GALNT14: variants seen among roughly 807,000 people sequenced by gnomAD.
GALNT14 encodes polypeptide N-acetylgalactosaminyltransferase 14, also known as UDP-GalNAc:polypeptide N-acetylgalactosaminyltransferase 14.
In GALNT14, 60 loss-of-function variants were observed where a neutral mutation model predicts 77.5. That is an observed-to-expected ratio of 0.77 (90% CI 0.63 to 0.96). GALNT14 has a LOEUF of 0.96. GALNT14 is among the 40% of genes least tolerant of loss of function. The pLI is 0.00. For synonymous variants in GALNT14, 280 were observed against 281.7 expected, an observed-to-expected ratio of 0.99 and a Z score of 0.06; for missense variants, 710 against 731.0, an observed-to-expected ratio of 0.97 and a Z score of 0.33.
chr2:31,121,648 G>A (rs79163228), intron 1 of GALNT14, among the ~76,000 whole-genome samples: 3 of 152,002 alleles, frequency 2.0e-5, no homozygotes, highest in South Asian at 2.1e-4. Context: ...GGAAGACCTC[G>A]CTGCCCACTG....
At chr2:31,010,796 C>T (rs183602690) in intron 1 of GALNT14, among the ~76,000 whole-genome samples, 1 of 152,348 alleles carries the variant, frequency 6.6e-6, no homozygotes, top group Non-Finnish European at 1.5e-5. Context: ...TCCAGCCACA[C>T]TGGCCGTTCT....
In GALNT14 at chr2:31,014,065, G is replaced by C. The variant is rs553529550; in HGVS notation, c.130-21058C>G. On this transcript the variant is annotated intron_variant, in intron 1 of 14. Transcript: ENST00000349752. ...TGGCTCCACTGCTTACTGTTTATGT[G>C]ATTTGGAGGAAGCTGCTTAACCTGT... Among the ~76,000 whole-genome samples the C allele has an allele frequency of 2.0e-5, 3 of 152,300 alleles. No homozygotes were observed. In the East Asian group the frequency reaches 5.8e-4, roughly 29 times the overall value.
chr2:30,979,031 A>AT (rs1336145343), intron 2 of GALNT14, among the ~76,000 whole-genome samples: 1 of 152,250 alleles, frequency 6.6e-6, no homozygotes, highest in Non-Finnish European at 1.5e-5. Flanking sequence ...CTGAATCCTC[A>AT]CAGCACAGTC....
Position 31,012,228 on chromosome 2 carries a change from G to A in GALNT14, c.130-19221C>T, listed in dbSNP as rs866498069. The stretch of plus-strand genomic sequence containing the variant: ...CAGAATAAAGGCCAAGTTCTTTGCC[G>A]TGGTCTGCAAGTACTGCCCTGGACT... On this transcript the variant is annotated intron_variant, in intron 1 of 14. Transcript: ENST00000349752. Among the ~76,000 whole-genome samples, 6 of 152,272 alleles carry A rather than the reference G, an allele frequency of 3.9e-5. No homozygotes were observed. In the South Asian group the frequency reaches 8.3e-4, roughly 21 times the overall value.
intron 1 of GALNT14, among the ~76,000 whole-genome samples, chr2:31,048,915 A>G (rs114523208): frequency 0.017 from 2,571 of 152,168 alleles, 73 homozygotes; most frequent in African/African-American, 0.057. Flanking sequence ...TGACCGGCTC[A>G]TTCCCACAGG....
At chr2:31,029,419 G>A (rs530100227) in intron 1 of GALNT14, among the ~76,000 whole-genome samples, 5 of 152,144 alleles carry the variant, frequency 3.3e-5, no homozygotes, top group East Asian at 1.9e-4. Flanking sequence ...ACCAGCATCC[G>A]ACCATCTGGT....
At chr2:31,131,712 C>T (rs1273667608) in intron 1 of GALNT14, among the ~76,000 whole-genome samples, 4 of 152,132 alleles carry the variant, frequency 2.6e-5, no homozygotes, top group Non-Finnish European at 5.9e-5. Context: ...GCATGAAAAC[C>T]AAGCTGTGCA....
chr2:31,048,592 C>G (rs1451668723), intron 1 of GALNT14, among the ~76,000 whole-genome samples: 1 of 106,924 alleles, frequency 9.4e-6, no homozygotes, highest in African/African-American at 3.6e-5. Flanking sequence ...GCCTCCCCAC[C>G]CCCACTCCTG....
chr2:30,945,687 G>A (rs1309803302), intron 7 of GALNT14, 96 bp downstream of exon 7: 1 of 992,652 alleles, frequency 1.0e-6, no homozygotes. Context: ...TTCTCGACAA[G>A]CAACTAAGAG....
At chr2:30,932,304 C>A (rs959357920) in intron 9 of GALNT14, 110 bp from the exon 10 acceptor site, 1 of 1,059,470 alleles carries the variant, frequency 9.4e-7, no homozygotes, top group Non-Finnish European at 1.3e-6. Flanking sequence ...AGAACAGACT[C>A]TGCAGCCAGT....
chr2:30,887,771 A>G, the GALNT14 span, among the ~76,000 whole-genome samples: 18 of 152,342 alleles, frequency 1.2e-4, no homozygotes, highest in African/African-American at 4.3e-4. Context: ...CATACCTAAG[A>G]AAGCATTGCA....
intron 9 of GALNT14, among the ~76,000 whole-genome samples, chr2:30,934,168 CAT>C (rs1422560671): frequency 1.3e-5 from 2 of 152,218 alleles, no homozygotes; most frequent in Non-Finnish European, 2.9e-5. Context: ...TCGTTTTTCA[CAT>C]GAGTCATTGA....
At chr2:30,972,508 ACAG>A (rs1374129464) in intron 2 of GALNT14, among the ~76,000 whole-genome samples, 1 of 152,188 alleles carries the variant, frequency 6.6e-6, no homozygotes, top group East Asian at 1.9e-4. Context: ...TTTACTGCTC[ACAG>A]TAATCCTATG....
intron 1 of GALNT14, among the ~76,000 whole-genome samples, chr2:30,997,328 C>T (rs1261374154): frequency 6.6e-6 from 1 of 152,232 alleles, no homozygotes; most frequent in Non-Finnish European, 1.5e-5. Context: ...CACACCATCA[C>T]AGGACACCAG....
Position 31,114,581 on chromosome 2 carries a change from C to A in GALNT14, c.129+23377G>T, listed in dbSNP as rs191585327. 5.0e-3 allele frequency among the ~76,000 whole-genome samples: 766 copies of A among 152,194 alleles called. 8 individuals are homozygous for A. The highest frequency in any genetic ancestry group is 0.018 in the African/African-American group (736 of 41,506). ...TCAAGTAGAAAAATACACACACGCA[C>A]ACACAAGAGCAAAAATACAAAGAAA... is the stretch of plus-strand genomic sequence containing the variant. On this transcript the variant is annotated intron_variant, in intron 1 of 14. Coordinates refer to ENST00000349752, the MANE Select transcript of GALNT14 (RefSeq NM_024572.4).
At chr2:31,132,533 C>G (rs928452358) in intron 1 of GALNT14, 2 of 336,800 alleles carry the variant, frequency 5.9e-6, no homozygotes, top group African/African-American at 4.3e-5. Flanking sequence ...GAGCATGCAT[C>G]TCATCATGGG....
At chr2:31,105,806 C>T (rs183474766) in intron 1 of GALNT14, among the ~76,000 whole-genome samples, 200 of 152,210 alleles carry the variant, frequency 1.3e-3, no homozygotes, top group Non-Finnish European at 1.9e-3. Flanking sequence ...CCACTGCTTT[C>T]GGACGAAGGA....
In GALNT14 at chr2:31,000,237, T is replaced by G. The variant is rs529956295; in HGVS notation, c.130-7230A>C. On this transcript the variant is annotated intron_variant, in intron 1 of 14. Coordinates refer to ENST00000349752, the MANE Select transcript of GALNT14 (RefSeq NM_024572.4). ...CCTTAGTTTAGAGCTGAAGTGGGGATATAGGAAGCTCCACTTCATCCTCAG... is the reference window on the plus strand; with the variant it reads ...CCTTAGTTTAGAGCTGAAGTGGGGAGATAGGAAGCTCCACTTCATCCTCAG... 8.5e-5 allele frequency among the ~76,000 whole-genome samples: 13 copies of G among 152,288 alleles called. No individual in the cohort carries two copies. The South Asian group carries it at 2.5e-3, about 29-fold the overall frequency.
Position 31,031,984 on chromosome 2 carries a change from C to T in GALNT14, c.130-38977G>A, listed in dbSNP as rs148982051. Among the ~76,000 whole-genome samples, 955 of 152,316 alleles carry T rather than the reference C, an allele frequency of 6.3e-3. 6 individuals carry two copies. Among genetic ancestry groups the T allele is most frequent in the African/African-American group, 0.017 (718 of 41,554 alleles). On this transcript the variant is annotated intron_variant, in intron 1 of 14. Coordinates refer to ENST00000349752, the MANE Select transcript of GALNT14 (RefSeq NM_024572.4). ...CTCCTCTCGGAACTTCTCGCGGCTG[C>T]CACAGTCAGCTGCAGAGGACCTGCC...
Sources: allele counts gnomAD v4.1 joint callset (sites outside exome capture counted in the v4.1 genomes callset), GRCh38; gene constraint gnomAD v4.1.1; transcripts MANE v1.5; gene names NCBI Gene and HGNC (gene_info 2026-07-23, HGNC 2026-07-21).